The following NLN variants were observed in gnomAD, a reference collection of about 807,000 sequenced individuals.
NLN encodes the protein neurolysin, mitochondrial.
A neutral mutation model predicts 79.9 loss-of-function variants in NLN; 64 were observed. The observed-to-expected ratio is 0.80, with a 90% CI of 0.65 to 0.99. The LOEUF is 0.99. Among genes scored for constraint, NLN ranks in the 50% least tolerant of loss-of-function variants. The pLI is 0.00. For synonymous variants in NLN, 267 were observed against 296.6 expected (o/e 0.90, Z 1.02); for missense variants, 835 against 858.7 (o/e 0.97, Z 0.34).
chr5:65,725,399 T>C (rs1354143924), intron 1 of NLN, among the ~76,000 whole-genome samples: 1 of 152,264 alleles, frequency 6.6e-6, no homozygotes, highest in Non-Finnish European at 1.5e-5. Context: ...TTTACACTGT[T>C]ACATTAATAT....
intron 1 of NLN, among the ~76,000 whole-genome samples, chr5:65,751,881 A>G (rs917296168): frequency 3.9e-4 from 60 of 152,284 alleles, no homozygotes; most frequent in African/African-American, 1.3e-3. Context: ...GGAGATTACA[A>G]TGCTAGCAAA....
At chr5:65,778,427 A>C (rs1262857591) in intron 4 of NLN, among the ~76,000 whole-genome samples, 1 of 152,214 alleles carries the variant, frequency 6.6e-6, no homozygotes, top group Non-Finnish European at 1.5e-5. Flanking sequence ...CACCACTGAG[A>C]TATGGGTACC....
At position 65,792,609 on chromosome 5, in the gene NLN, C is replaced by T. The variant is rs568401491; in HGVS notation, c.1481C>T (p.Thr494Ile). 4 of 1,614,054 alleles carry T rather than the reference C, an allele frequency of 2.5e-6. No homozygotes were observed. In the African/African-American group the frequency reaches 5.3e-5, roughly 22 times the overall value. Residue 494 changes from threonine to isoleucine, a missense_variant, in exon 9 of 13, where the codon ACT (threonine) becomes ATT (isoleucine). Thr to Ile is a moderately conservative substitution (Grantham distance 89). Transcript: ENST00000380985. Reference protein sequence around the residue: ...PSLLRHDEVRTYFHEFGHVMH... With the variant: ...PSLLRHDEVRIYFHEFGHVMH... ...CTCCTGAGACACGACGAGGTGAGGA[C>T]TTACTTTCATGAGTTTGGTCACGTG...
intron 9 of NLN, among the ~76,000 whole-genome samples, chr5:65,796,603 C>T (rs1760178626): frequency 6.6e-6 from 1 of 152,182 alleles, no homozygotes; most frequent in South Asian, 2.1e-4. Context: ...TTTGAAAAAT[C>T]TCTTCTTGTC....
intron 1 of NLN, among the ~76,000 whole-genome samples, chr5:65,728,688 A>G (rs531806118): frequency 6.6e-6 from 1 of 152,208 alleles, no homozygotes; most frequent in Non-Finnish European, 1.5e-5. Flanking sequence ...GCATTTTCAT[A>G]CATTTTTGGA....
chr5:65,822,900 C>A lies in NLN; in HGVS notation c.2100C>A (p.Gly700=). The change falls in exon 13 of 13, where the codon GGC becomes GGA. Residue 700 remains glycine (G), a synonymous_variant. Coordinates refer to ENST00000380985, the MANE Select transcript of NLN (RefSeq NM_020726.5). ...AAAAAGCGTTCCTAATGAGTAGAGG[C>A]CTGCATGCTCCGTGAACTGGGGATC... ...PNQKAFLMSR[G]LHAP is the part of the protein sequence containing the mutation. The A allele has an allele frequency of 1.2e-6, 2 of 1,613,572 alleles. No individual in the cohort carries two copies. Among genetic ancestry groups the A allele is most frequent in the Non-Finnish European group, 1.7e-6 (2 of 1,179,540 alleles).
At chr5:65,796,620 T>C (rs1394979342) in intron 9 of NLN, among the ~76,000 whole-genome samples, 1 of 152,254 alleles carries the variant, frequency 6.6e-6, no homozygotes. Flanking sequence ...TGTCTATTAA[T>C]CCTTTCAGAT....
intron 3 of NLN, among the ~76,000 whole-genome samples, chr5:65,771,531 GTTTA>G (rs764963580): frequency 1.4e-4 from 22 of 152,128 alleles, no homozygotes; most frequent in Non-Finnish European, 2.5e-4. Flanking sequence ...TTGTAATATT[GTTTA>G]TTTATTTTTT....
chr5:65,779,497 G>A (rs567980867), intron 4 of NLN, among the ~76,000 whole-genome samples: 57 of 151,674 alleles, frequency 3.8e-4, no homozygotes, highest in East Asian at 1.9e-3. Flanking sequence ...CCTTTTCCCC[G>A]AAGCAACAAT....
chr5:65,746,252 T>G (rs1758976867), intron 1 of NLN, among the ~76,000 whole-genome samples: 1 of 151,582 alleles, frequency 6.6e-6, no homozygotes, highest in Admixed American at 6.6e-5. Context: ...CAACTGATGA[T>G]AAAAATCATG....
chr5:65,731,023 A>C (rs1396710894), intron 1 of NLN, among the ~76,000 whole-genome samples: 1 of 152,154 alleles, frequency 6.6e-6, no homozygotes, highest in Non-Finnish European at 1.5e-5. Context: ...AGTTTTTCTG[A>C]TCTTAACTCA....
chr5:65,761,223 T>C lies in NLN; in HGVS notation c.302-1737T>C, dbSNP rs892212079. Among the ~76,000 whole-genome samples the C allele has an allele frequency of 2.6e-5, 4 of 152,260 alleles. 1 individual carries two copies. Among genetic ancestry groups the C allele is most frequent in the Admixed American group, 2.0e-4 (3 of 15,292 alleles). On this transcript the variant is annotated intron_variant, in intron 2 of 12. Transcript: ENST00000380985. ...TTAGGCTCCTGCATTTGATGTTGCT[T>C]ATATAAGTTTATGAGCAATTTTTAT...
intron 6 of NLN, among the ~76,000 whole-genome samples, chr5:65,782,868 C>A (rs949464191): frequency 6.6e-6 from 1 of 152,228 alleles, no homozygotes; most frequent in African/African-American, 2.4e-5. Flanking sequence ...TCAGTAGGTA[C>A]ATGGCCTGCT....
At chr5:65,803,990 T>G (rs1048152931) in intron 9 of NLN, among the ~76,000 whole-genome samples, 1 of 152,216 alleles carries the variant, frequency 6.6e-6, no homozygotes, top group African/African-American at 2.4e-5. Context: ...TGTTTGATCT[T>G]TGAAAAATCT....
chr5:65,754,445 G>A (rs181135695), intron 1 of NLN, among the ~76,000 whole-genome samples: 1 of 152,128 alleles, frequency 6.6e-6, no homozygotes, highest in Non-Finnish European at 1.5e-5. Context: ...GTGTATGAGT[G>A]TTGAGAGGAA....
intron 1 of NLN, among the ~76,000 whole-genome samples, chr5:65,729,542 T>C (rs1758558994): frequency 6.6e-6 from 1 of 151,884 alleles, no homozygotes; most frequent in Admixed American, 6.6e-5. Flanking sequence ...GCCCAGCTAA[T>C]ATTTTGTATT....
At chr5:65,761,297 AT>A (rs1176483389) in intron 2 of NLN, among the ~76,000 whole-genome samples, 1 of 151,220 alleles carries the variant, frequency 6.6e-6, no homozygotes, top group Non-Finnish European at 1.5e-5. Flanking sequence ...TTTTATTATT[AT>A]TATTATTTTT....
intron 1 of NLN, among the ~76,000 whole-genome samples, chr5:65,751,025 A>C (rs61094470): frequency 0.016 from 2,368 of 152,332 alleles, 64 homozygotes; most frequent in African/African-American, 0.053. Flanking sequence ...TGTAATAGCC[A>C]CACAAGAGAA....
intron 1 of NLN, among the ~76,000 whole-genome samples, chr5:65,739,370 T>C (rs1486612868): frequency 1.3e-5 from 2 of 152,186 alleles, no homozygotes; most frequent in Non-Finnish European, 2.9e-5. Flanking sequence ...TATGGCTGAA[T>C]AATATTTCAT....
Sources: allele counts gnomAD v4.1 joint callset (sites outside exome capture counted in the v4.1 genomes callset), GRCh38; gene constraint gnomAD v4.1.1; transcripts MANE v1.5; gene names NCBI Gene and HGNC (gene_info 2026-07-23, HGNC 2026-07-21).